Variants in MBD2 observed in about 807,000 individuals in gnomAD.
MBD2 encodes methyl-CpG binding domain protein 2.
MBD2 carries 9 observed loss-of-function variants against 39.3 expected under a neutral mutation model. That is an observed-to-expected ratio of 0.23 (90% CI 0.14 to 0.40). MBD2 has a LOEUF of 0.40. Among genes scored for constraint, MBD2 ranks in the 10% least tolerant of loss-of-function variants. MBD2 has a pLI of 1.00. For missense variants in MBD2, 458 were observed against 532.6 expected (o/e 0.86, Z 1.38); for synonymous variants, 233 against 211.1 (o/e 1.10, Z -0.90).
At chr18:54,187,941 C>G in intron 3 of MBD2, 1 of 752,598 alleles carries the variant, frequency 1.3e-6, no homozygotes, top group Non-Finnish European at 1.6e-6. Flanking sequence ...TTTATGAAGT[C>G]TGGAGATGAG....
At chr18:54,175,278 T>C (rs182887416) in intron 3 of MBD2, among the ~76,000 whole-genome samples, 209 of 152,278 alleles carry the variant, frequency 1.4e-3, no homozygotes, top group African/African-American at 4.8e-3. Flanking sequence ...AGCTGAATAT[T>C]AACCCCCAAG....
At chr18:54,159,093 T>C (rs2086075379) in intron 6 of MBD2, among the ~76,000 whole-genome samples, 1 of 152,194 alleles carries the variant, frequency 6.6e-6, no homozygotes, top group Non-Finnish European at 1.5e-5. Flanking sequence ...TGGATGCTAC[T>C]GTGATGGAGA....
At chr18:54,205,359 G>A (rs963868839) in intron 1 of MBD2, among the ~76,000 whole-genome samples, 1 of 152,024 alleles carries the variant, frequency 6.6e-6, no homozygotes, top group Non-Finnish European at 1.5e-5. Flanking sequence ...ATCACCTGAG[G>A]TTAGGAGATC....
At chr18:54,164,028 T>C (rs2086113433) in intron 5 of MBD2, among the ~76,000 whole-genome samples, 1 of 152,000 alleles carries the variant, frequency 6.6e-6, no homozygotes, top group Non-Finnish European at 1.5e-5. Context: ...GGACTACAGT[T>C]ACATACTACC....
At chr18:54,176,530 AGT>A (rs1767162053) in intron 3 of MBD2, among the ~76,000 whole-genome samples, 1 of 152,222 alleles carries the variant, frequency 6.6e-6, no homozygotes, top group Non-Finnish European at 1.5e-5. Context: ...AAATCCAGAA[AGT>A]GTGTACTTTC....
chr18:54,209,297 CAAAAA>C (rs34165824), intron 1 of MBD2, among the ~76,000 whole-genome samples: 54 of 67,596 alleles, frequency 8.0e-4, no homozygotes, highest in Non-Finnish European at 1.0e-3. Flanking sequence ...ACTCCATCTC[CAAAAA>C]AAAAAAAAAA....
chr18:54,218,762 A>G (rs2086583731), intron 1 of MBD2, among the ~76,000 whole-genome samples: 2 of 152,172 alleles, frequency 1.3e-5, no homozygotes, highest in Admixed American at 1.3e-4. Flanking sequence ...GGAGTTCAAG[A>G]CCAGCCTGAC....
chr18:54,187,985 A>G (rs1311523262), intron 3 of MBD2: 3 of 291,032 alleles, frequency 1.0e-5, no homozygotes, highest in African/African-American at 2.3e-5. Flanking sequence ...CAAAATTCAA[A>G]TGAAAAGGTA....
intron 1 of MBD2, among the ~76,000 whole-genome samples, chr18:54,214,736 AGAATTC>A (rs2086542073): frequency 2.9e-5 from 2 of 69,604 alleles, no homozygotes; most frequent in Non-Finnish European, 2.9e-5. Context: ...GAATTCTTTT[AGAATTC>A]TTTTTTTTTT....
At chr18:54,208,636 C>G (rs1401289374) in intron 1 of MBD2, among the ~76,000 whole-genome samples, 1 of 152,134 alleles carries the variant, frequency 6.6e-6, no homozygotes, top group Non-Finnish European at 1.5e-5. Flanking sequence ...TAACTCTTAC[C>G]AAAAAGATAA....
intron 2 of MBD2, among the ~76,000 whole-genome samples, chr18:54,192,158 T>A (rs1237284000): frequency 6.6e-6 from 1 of 152,246 alleles, no homozygotes; most frequent in African/African-American, 2.4e-5. Context: ...GCTTCACACA[T>A]AAATGCTTAC....
chr18:54,200,582 C>T (rs1814849094), intron 2 of MBD2, among the ~76,000 whole-genome samples: 1 of 152,166 alleles, frequency 6.6e-6, no homozygotes, highest in Admixed American at 6.5e-5. Context: ...AAAATGTTGA[C>T]AGTCACATCT....
chr18:54,214,201 G>GTT (rs956827479), intron 1 of MBD2, among the ~76,000 whole-genome samples: 2 of 137,956 alleles, frequency 1.4e-5, no homozygotes, highest in Admixed American at 7.2e-5. Flanking sequence ...TCTTTGTTTT[G>GTT]TTTTTTTTTT....
At chr18:54,212,676 CA>C (rs1260794405) in intron 1 of MBD2, among the ~76,000 whole-genome samples, 1 of 148,784 alleles carries the variant, frequency 6.7e-6, no homozygotes, top group African/African-American at 2.4e-5. Flanking sequence ...GATTTCCCCC[CA>C]AAATAGGAAA....
At chr18:54,215,394 C>T (rs967022139) in intron 1 of MBD2, among the ~76,000 whole-genome samples, 6 of 151,906 alleles carry the variant, frequency 3.9e-5, no homozygotes, top group African/African-American at 9.7e-5. Flanking sequence ...CTCGAACAAA[C>T]GCTTCACATT....
At chr18:54,170,584 AAAAG>A (rs2086172912) in intron 3 of MBD2, among the ~76,000 whole-genome samples, 1 of 152,208 alleles carries the variant, frequency 6.6e-6, no homozygotes. Context: ...CTTACTAGGA[AAAAG>A]GAATTTGAGG....
At chr18:54,187,975 CA>C (rs2086295501) in intron 3 of MBD2, 1 of 356,340 alleles carries the variant, frequency 2.8e-6, no homozygotes, top group African/African-American at 2.2e-5. Flanking sequence ...TAGTGAAAAA[CA>C]AAATTCAAAT....
At chr18:54,167,229 G>A (rs990679139) in intron 3 of MBD2, among the ~76,000 whole-genome samples, 6 of 152,170 alleles carry the variant, frequency 3.9e-5, no homozygotes, top group African/African-American at 1.4e-4. Flanking sequence ...TGGACTCAGC[G>A]TGAGGATCTG....
At chr18:54,159,530 A>G (rs1321623267) in intron 6 of MBD2, among the ~76,000 whole-genome samples, 1 of 151,266 alleles carries the variant, frequency 6.6e-6, no homozygotes, top group Non-Finnish European at 1.5e-5. Context: ...TGATCCTCCC[A>G]CCTCAGCCTC....
Sources: gnomAD v4.1 joint callset for allele counts (sites outside exome capture counted in the v4.1 genomes callset) on GRCh38, gnomAD v4.1.1 for gene constraint, MANE v1.5 for transcripts, NCBI Gene and HGNC (gene_info 2026-07-23, HGNC 2026-07-21) for gene names.